The following ADAMTS12 variants were observed in gnomAD, a reference collection of about 807,000 sequenced individuals.
ADAMTS12 encodes the protein ADAM metallopeptidase with thrombospondin type 1 motif 12, also known as A disintegrin and metalloproteinase with thrombospondin motifs 12.
A neutral mutation model predicts 167.8 loss-of-function variants in ADAMTS12; 118 were observed. That is an observed-to-expected ratio of 0.70 (90% CI 0.61 to 0.82). The LOEUF is 0.82. Ranked by LOEUF, ADAMTS12 falls within the 40% of genes least tolerant of loss-of-function variation. The probability of loss-of-function intolerance (pLI) is 0.00; values close to 1 mark genes in which losing one functional copy is unlikely to be tolerated. For synonymous variants in ADAMTS12, 704 were observed against 716.9 expected, an observed-to-expected ratio of 0.98 and a Z score of 0.29; for missense variants, 1,916 against 1,998.8, an observed-to-expected ratio of 0.96 and a Z score of 0.79.
At chr5:33,603,062 G>A (rs549568311) in intron 16 of ADAMTS12, among the ~76,000 whole-genome samples, 2 of 152,292 alleles carry the variant, frequency 1.3e-5, no homozygotes, top group East Asian at 3.9e-4. Flanking sequence ...GTAGGCCACT[G>A]TTGTACCTAC....
chr5:33,843,961 T>G lies in ADAMTS12; in HGVS notation c.489+37158A>C, dbSNP rs1470982900. Among the ~76,000 whole-genome samples, 3 of 152,228 alleles carry G rather than the reference T, an allele frequency of 2.0e-5. No homozygotes were observed. In the East Asian group the frequency reaches 5.8e-4, roughly 29 times the overall value. On this transcript the variant is annotated intron_variant, in intron 2 of 23. Coordinates refer to ENST00000504830, the MANE Select transcript of ADAMTS12 (RefSeq NM_030955.4). ...GAAGCCATGGCAGAAGAATGTGGAT[T>G]TCATGGGCATTTATTAGTTCCCCAA...
At chr5:33,723,729 T>G (rs1489581611) in intron 3 of ADAMTS12, among the ~76,000 whole-genome samples, 1 of 152,176 alleles carries the variant, frequency 6.6e-6, no homozygotes, top group Non-Finnish European at 1.5e-5. Flanking sequence ...AAATGTTTCA[T>G]GTACTCCCCT....
At chr5:33,802,463 T>C (rs1747050716) in intron 2 of ADAMTS12, among the ~76,000 whole-genome samples, 1 of 152,172 alleles carries the variant, frequency 6.6e-6, no homozygotes, top group African/African-American at 2.4e-5. Context: ...TCATCAAAGA[T>C]GCCACTGCTC....
At chr5:33,649,482 C>G in intron 8 of ADAMTS12, 72 bp downstream of exon 8, 4 of 1,542,094 alleles carry the variant, frequency 2.6e-6, no homozygotes, top group Non-Finnish European at 3.5e-6. Context: ...ATCAGCTTCT[C>G]TGTGTAAAAC....
intron 2 of ADAMTS12, among the ~76,000 whole-genome samples, chr5:33,863,815 C>T (rs1053291369): frequency 2.6e-5 from 4 of 152,144 alleles, no homozygotes; most frequent in African/African-American, 9.7e-5. Flanking sequence ...TACTACAAGG[C>T]TACACTAACC....
chr5:33,714,553 G>A (rs1360498515), intron 3 of ADAMTS12, among the ~76,000 whole-genome samples: 5 of 151,906 alleles, frequency 3.3e-5, no homozygotes, highest in Admixed American at 2.6e-4. Context: ...CAACCTAAAT[G>A]TCCATCAACA....
chr5:33,668,579 T>C (rs1398054033), intron 5 of ADAMTS12, among the ~76,000 whole-genome samples: 2 of 151,960 alleles, frequency 1.3e-5, no homozygotes, highest in Non-Finnish European at 2.9e-5. Flanking sequence ...TCCTCCAGGG[T>C]TCAAGCGATT....
chr5:33,532,001 G>A (rs1744126259), intron 23 of ADAMTS12, among the ~76,000 whole-genome samples: 1 of 152,164 alleles, frequency 6.6e-6, no homozygotes, highest in African/African-American at 2.4e-5. Context: ...CCCTATTGCT[G>A]TGAAACAATG....
chr5:33,557,134 G>A (rs1488385317), intron 20 of ADAMTS12, among the ~76,000 whole-genome samples: 2 of 152,222 alleles, frequency 1.3e-5, no homozygotes, highest in Non-Finnish European at 2.9e-5. Context: ...GAAGTTCCTG[G>A]TGAGTAACCT....
At chr5:33,880,405 G>A (rs944134691) in intron 2 of ADAMTS12, among the ~76,000 whole-genome samples, 3 of 152,180 alleles carry the variant, frequency 2.0e-5, no homozygotes, top group African/African-American at 2.4e-5. Context: ...AATATTGTGC[G>A]GTTCTTCAGC....
chr5:33,633,102 A>G (rs1209894033), intron 12 of ADAMTS12, among the ~76,000 whole-genome samples: 1 of 151,320 alleles, frequency 6.6e-6, no homozygotes, highest in Non-Finnish European at 1.5e-5. Context: ...TCTTGGAGGA[A>G]TACATTAAAT....
At chr5:33,702,531 T>A (rs983533464) in intron 3 of ADAMTS12, among the ~76,000 whole-genome samples, 1 of 152,200 alleles carries the variant, frequency 6.6e-6, no homozygotes, top group African/African-American at 2.4e-5. Context: ...TTAGCTAATA[T>A]TTTTAGATAA....
At chr5:33,678,742 T>C (rs532432444) in intron 5 of ADAMTS12, among the ~76,000 whole-genome samples, 5 of 151,612 alleles carry the variant, frequency 3.3e-5, no homozygotes, top group Non-Finnish European at 7.4e-5. Flanking sequence ...GGTGTAGGGG[T>C]TGGAGAAAGG....
At chr5:33,610,867 G>C (rs1253733557) in intron 16 of ADAMTS12, among the ~76,000 whole-genome samples, 1 of 152,114 alleles carries the variant, frequency 6.6e-6, no homozygotes, top group Non-Finnish European at 1.5e-5. Flanking sequence ...GGGAGTTTGA[G>C]ACCAGCCTGG....
intron 22 of ADAMTS12, among the ~76,000 whole-genome samples, chr5:33,538,250 G>A (rs568750484): frequency 1.3e-5 from 2 of 152,334 alleles, no homozygotes; most frequent in South Asian, 4.1e-4. Flanking sequence ...GTGAGGGAGA[G>A]TGGGGAGTGA....
chr5:33,759,530 C>T (rs956451092), intron 2 of ADAMTS12, among the ~76,000 whole-genome samples: 1 of 152,022 alleles, frequency 6.6e-6, no homozygotes, highest in Admixed American at 6.6e-5. Flanking sequence ...TGAAAATGAC[C>T]CCAAACAGTG....
intron 16 of ADAMTS12, among the ~76,000 whole-genome samples, chr5:33,596,879 G>A (rs1737912994): frequency 6.6e-6 from 1 of 152,172 alleles, no homozygotes; most frequent in Non-Finnish European, 1.5e-5. Context: ...TTAAAATACA[G>A]GGATTTGATA....
intron 18 of ADAMTS12, among the ~76,000 whole-genome samples, chr5:33,585,633 T>C (rs1028767019): frequency 2.4e-4 from 36 of 152,226 alleles, no homozygotes. Flanking sequence ...ACAGTAACTT[T>C]GATACCTGGT....
At chr5:33,581,277 T>A (rs56203051) in intron 18 of ADAMTS12, among the ~76,000 whole-genome samples, 6,092 of 152,298 alleles carry the variant, frequency 0.04, 384 homozygotes, top group African/African-American at 0.13. Flanking sequence ...GTATGCCCTT[T>A]CCTTGTAATT....
Sources: allele counts gnomAD v4.1 joint callset (sites outside exome capture counted in the v4.1 genomes callset), GRCh38; gene constraint gnomAD v4.1.1; transcripts MANE v1.5; gene names NCBI Gene and HGNC (gene_info 2026-07-23, HGNC 2026-07-21).